The following EVC2 variants were observed in gnomAD, a reference collection of about 807,000 sequenced individuals.
EVC2 encodes EvC ciliary complex subunit 2, also known as limbin.
Under a neutral mutation model 149.3 loss-of-function variants are expected in EVC2, and 148 were observed. The ratio of observed to expected loss-of-function variants is 0.99; its 90% CI spans 0.87 to 1.14. EVC2 has a LOEUF of 1.14. EVC2 is among the 50% of genes most tolerant of loss of function. The pLI, the probability that EVC2 is intolerant of heterozygous loss-of-function variation, is 0.00. For synonymous variants in EVC2, 776 were observed against 649.9 expected (o/e 1.19, Z -2.95); for missense variants, 1,854 against 1,627.3 (o/e 1.14, Z -2.40).
At chr4:5,687,989 T>C (rs1720838822) in intron 5 of EVC2, among the ~76,000 whole-genome samples, 1 of 152,196 alleles carries the variant, frequency 6.6e-6, no homozygotes, top group Non-Finnish European at 1.5e-5. Context: ...CCCAGGTCCA[T>C]CTGAGGCTGC....
intron 21 of EVC2, among the ~76,000 whole-genome samples, chr4:5,556,303 C>T (rs1015972715): frequency 6.6e-5 from 10 of 150,766 alleles, no homozygotes; most frequent in East Asian, 5.8e-4. Context: ...CAGAATATAG[C>T]GTAATATATT....
intron 7 of EVC2, among the ~76,000 whole-genome samples, chr4:5,672,481 T>C (rs67305345): frequency 0.14 from 21,319 of 151,914 alleles, 1,574 homozygotes; most frequent in Non-Finnish European, 0.15. Context: ...AAGGGAGAAA[T>C]AGGGGGCATG....
intron 9 of EVC2, among the ~76,000 whole-genome samples, chr4:5,659,793 G>T (rs1718763448): frequency 1.3e-5 from 2 of 152,022 alleles, no homozygotes; most frequent in Non-Finnish European, 2.9e-5. Context: ...ATCACTTTTT[G>T]AATAAAAAAC....
At position 5,584,787 on chromosome 4, in the gene EVC2, G is replaced by A. The variant is rs779407729; in HGVS notation, c.2893C>T (p.Gln965Ter). ...TGGAACTGCAGAGCAACAAGCGACT[G>A]TGCAAAGCCTCCCTCCTGTGCCTCC... ...RMEAQEGGFAQSLVALQFQKA... is the reference protein window; with the variant it reads ...RMEAQEGGFA The change falls in exon 17 of 22, where the codon CAG becomes TAG. Residue 965 changes from glutamine to a stop codon, truncating the protein, a stop_gained. Coordinates refer to ENST00000344408, the MANE Select transcript of EVC2 (RefSeq NM_147127.5). LOFTEE classifies it high-confidence loss of function. The A allele has an allele frequency of 2.5e-6, 4 of 1,614,058 alleles. No individual in the cohort carries two copies. Among genetic ancestry groups the A allele is most frequent in the Non-Finnish European group, 3.4e-6 (4 of 1,180,040 alleles).
At chr4:5,631,029 C>T (rs1392522801) in intron 11 of EVC2, among the ~76,000 whole-genome samples, 1 of 152,180 alleles carries the variant, frequency 6.6e-6, no homozygotes, top group Non-Finnish European at 1.5e-5. Flanking sequence ...AAATCCCTCA[C>T]ACAGGCCTCC....
chr4:5,550,241 C>G (rs761279537), intron 21 of EVC2, among the ~76,000 whole-genome samples: 17 of 152,084 alleles, frequency 1.1e-4, no homozygotes, highest in Admixed American at 5.2e-4. Flanking sequence ...CAGAAGAAGA[C>G]AGGAAAATGT....
intron 9 of EVC2, among the ~76,000 whole-genome samples, chr4:5,649,861 C>T (rs1468035860): frequency 1.4e-5 from 2 of 142,674 alleles, no homozygotes; most frequent in Non-Finnish European, 3.1e-5. Context: ...TATAAACTAT[C>T]CATTTGAAGG....
At chr4:5,537,545 A>G in the EVC2 span, among the ~76,000 whole-genome samples, 1 of 152,188 alleles carries the variant, frequency 6.6e-6, no homozygotes, top group African/African-American at 2.4e-5. Context: ...TTAATAAATT[A>G]TAAAAGCTAA....
downstream of EVC2, among the ~76,000 whole-genome samples, chr4:5,538,629 CA>C (rs1355578451): frequency 6.6e-6 from 1 of 151,978 alleles, no homozygotes; most frequent in Non-Finnish European, 1.5e-5. Flanking sequence ...ATATCATGAC[CA>C]AGTTGAGTTT....
intron 1 of EVC2, among the ~76,000 whole-genome samples, chr4:5,698,952 T>C (rs1482586681): frequency 6.6e-6 from 1 of 152,118 alleles, no homozygotes; most frequent in Non-Finnish European, 1.5e-5. Flanking sequence ...ACGGAAACCA[T>C]AAGGTGGGAC....
In EVC2 at chr4:5,697,587, A is replaced by C; in HGVS notation, c.283+6T>G. 1 of 1,613,954 alleles carries C rather than the reference A, an allele frequency of 6.2e-7. No individual in the cohort carries two copies. The highest frequency in any genetic ancestry group is 8.5e-7 in the Non-Finnish European group (1 of 1,179,926). The stretch of plus-strand genomic sequence containing the variant: ...CAGGGGAACATCAACCAGAAGAAAA[A>C]CTCACCTGCAGTCTTAAAGTGACAG... On this transcript the variant is annotated splice_donor_region_variant and intron_variant, in intron 2 of 21. Coordinates refer to ENST00000344408, the MANE Select transcript of EVC2 (RefSeq NM_147127.5).
At chr4:5,682,063 C>G (rs930233463) in intron 6 of EVC2, among the ~76,000 whole-genome samples, 30 of 152,294 alleles carry the variant, frequency 2.0e-4, no homozygotes, top group African/African-American at 7.2e-4. Flanking sequence ...ATTCAACTCA[C>G]AGAATTGCTA....
chr4:5,639,219 G>A (rs1351429057), intron 10 of EVC2, among the ~76,000 whole-genome samples: 4 of 152,198 alleles, frequency 2.6e-5, no homozygotes, highest in African/African-American at 7.2e-5. Context: ...AAGGGAAGCC[G>A]AGTTCAGAAG....
intron 21 of EVC2, among the ~76,000 whole-genome samples, chr4:5,556,747 A>C (rs1721846855): frequency 6.6e-6 from 1 of 152,204 alleles, no homozygotes; most frequent in Non-Finnish European, 1.5e-5. Flanking sequence ...ATGAAAGAGC[A>C]GTCTCACTAC....
intron 19 of EVC2, among the ~76,000 whole-genome samples, chr4:5,573,089 C>T (rs1375673127): frequency 6.6e-6 from 1 of 152,162 alleles, no homozygotes; most frequent in Non-Finnish European, 1.5e-5. Context: ...CAGGAAGTAC[C>T]AGCTCCTCCC....
At chr4:5,646,617 A>G (rs1422337349) in intron 9 of EVC2, among the ~76,000 whole-genome samples, 1 of 152,202 alleles carries the variant, frequency 6.6e-6, no homozygotes, top group Non-Finnish European at 1.5e-5. Flanking sequence ...CTTGTATTTT[A>G]TCAATTTTCT....
chr4:5,640,937 G>C lies in EVC2; in HGVS notation c.1146-99C>G, dbSNP rs982387710. 1.6e-5 allele frequency: 22 copies of C among 1,390,136 alleles called. No homozygotes were observed. Among genetic ancestry groups the C allele is most frequent in the Middle Eastern group, 1.8e-4 (1 of 5,526 alleles). The allele number at this position is 1,390,136 out of a possible 1,614,324, so 86.1% of individuals were successfully genotyped here. On this transcript the variant is annotated intron_variant, in intron 9 of 21. Coordinates refer to ENST00000344408, the MANE Select transcript of EVC2 (RefSeq NM_147127.5). The surrounding 1 kb of genome is among the most constrained non-coding windows in gnomAD (Gnocchi z 4.6). The stretch of plus-strand genomic sequence containing the variant: ...GAGGTTTTCATTTATGTGTAGGCAA[G>C]GGCTTTCTTCGTCTTCCTTTTCTTC...
At chr4:5,669,772 G>T (rs769655821) in intron 7 of EVC2, among the ~76,000 whole-genome samples, 2 of 152,312 alleles carry the variant, frequency 1.3e-5, no homozygotes, top group South Asian at 2.1e-4. Context: ...ATTGCCAAGA[G>T]AAACTGAAGA....
intron 21 of EVC2, chr4:5,543,348 A>T: frequency 4.8e-6 from 2 of 414,764 alleles, no homozygotes; most frequent in Non-Finnish European, 8.5e-6. Flanking sequence ...AGTGAAGATC[A>T]GGGTTAAATT....
Sources: allele counts gnomAD v4.1 joint callset (sites outside exome capture counted in the v4.1 genomes callset), GRCh38; gene constraint gnomAD v4.1.1; non-coding constraint Gnocchi (gnomAD v3.1); transcripts MANE v1.5; gene names NCBI Gene and HGNC (gene_info 2026-07-23, HGNC 2026-07-21).